The following DNAH6 variants were observed in gnomAD, a reference collection of about 807,000 sequenced individuals.
The protein encoded by DNAH6 is dynein axonemal heavy chain 6.
In DNAH6, 340 loss-of-function variants were observed where a neutral mutation model predicts 491.4. That is an observed-to-expected ratio of 0.69 (90% CI 0.63 to 0.76). DNAH6 has a LOEUF of 0.76. DNAH6 is among the 30% of genes least tolerant of loss of function. The pLI is 0.00. For synonymous variants in DNAH6, 1,603 were observed against 1,686.1 expected (o/e 0.95, Z 1.21); for missense variants, 4,443 against 4,972.2 (o/e 0.89, Z 3.20).
At chr2:84,484,252 C>A in the DNAH6 span, among the ~76,000 whole-genome samples, 1 of 152,166 alleles carries the variant, frequency 6.6e-6, no homozygotes, top group East Asian at 1.9e-4. Flanking sequence ...CCCTTAGGTC[C>A]CTAGATCCCT....
In DNAH6 at chr2:84,709,390, CG is replaced by C. The variant is rs1262301591; in HGVS notation, c.9097del (p.Asp3033IlefsTer28). 1 of 1,551,556 alleles carries C rather than the reference CG, an allele frequency of 6.4e-7. No individual in the cohort carries two copies. The highest frequency in any genetic ancestry group is 1.4e-5 in the African/African-American group (1 of 73,020). ...ACTGTCAGTCTCTGGAGATCCCAAT[CG>C]ATCCTTCCTTCAGTCTCATTAACAT... is the stretch of plus-strand genomic sequence containing the variant. The part of the protein sequence containing the change: ...QDCQSLEIPI[D>X]PSFSLINILG... On this transcript the variant is annotated frameshift_variant, in exon 55 of 77. Coordinates refer to ENST00000389394, the MANE Select transcript of DNAH6 (RefSeq NM_001370.2). LOFTEE classifies it high-confidence loss of function.
At chr2:84,516,765 A>G in intron 1 of DNAH6, among the ~76,000 whole-genome samples, 182 bp downstream of exon 1, 1 of 152,204 alleles carries the variant, frequency 6.6e-6, no homozygotes. Flanking sequence ...AGCGATATCA[A>G]AAGACTTGTC....
At chr2:84,585,083 T>C (rs1478237616) in intron 15 of DNAH6, among the ~76,000 whole-genome samples, 1 of 152,214 alleles carries the variant, frequency 6.6e-6, no homozygotes, top group Non-Finnish European at 1.5e-5. Context: ...GCTCACATTG[T>C]GTGCTGCCTA....
chr2:84,819,344 C>T lies in DNAH6; in HGVS notation c.12413C>T (p.Ser4138Phe). 4 of 1,551,428 alleles carry T rather than the reference C, an allele frequency of 2.6e-6. No homozygotes were observed. Among genetic ancestry groups the T allele is most frequent in the Non-Finnish European group, 3.5e-6 (4 of 1,146,880 alleles). ...TTTGTGGTAACCGTCCTGTTACCCTCCAAGCGGTCCAAAGACTACTGGATT... is the reference window on the plus strand; with the variant it reads ...TTTGTGGTAACCGTCCTGTTACCCTTCAAGCGGTCCAAAGACTACTGGATT... ...TNFVVTVLLP[S>F]KRSKDYWIAK... is the part of the protein sequence containing the mutation. The change falls in exon 77 of 77, where the codon TCC becomes TTC. Residue 4138 changes from serine (S) to phenylalanine (F), a missense_variant. This residue lies in a region of DNAH6 where 1,463 missense variants were observed against 1,656.6 expected (regional missense o/e 0.88). Transcript: ENST00000389394.
intron 31 of DNAH6, among the ~76,000 whole-genome samples, chr2:84,638,028 G>A (rs1245384443): frequency 1.3e-5 from 2 of 152,018 alleles, no homozygotes; most frequent in East Asian, 3.9e-4. Context: ...CCAGGAGTTA[G>A]AGACCAGCCT....
chr2:84,648,402 A>G (rs1690101663), intron 33 of DNAH6, among the ~76,000 whole-genome samples: 2 of 152,260 alleles, frequency 1.3e-5, no homozygotes, highest in African/African-American at 2.4e-5. Flanking sequence ...TCTGCCATTG[A>G]TAGTGATTTC....
Position 84,543,104 on chromosome 2 carries a change from A to G in DNAH6, c.663-1129A>G, listed in dbSNP as rs1678427214. ...AACCCGGGAGGCGGAGGTTGCAGTG[A>G]GCCAAGTTTGCACGGCTGCATTCCA... On this transcript the variant is annotated intron_variant, in intron 4 of 76. Coordinates refer to ENST00000389394, the MANE Select transcript of DNAH6 (RefSeq NM_001370.2). Among the ~76,000 whole-genome samples, 5 of 152,212 alleles carry G rather than the reference A, an allele frequency of 3.3e-5. No individual in the cohort carries two copies. In the South Asian group the frequency reaches 1.0e-3, roughly 32 times the overall value.
intron 3 of DNAH6, among the ~76,000 whole-genome samples, chr2:84,528,480 G>A (rs1264411645): frequency 6.6e-6 from 1 of 152,078 alleles, no homozygotes; most frequent in African/African-American, 2.4e-5. Context: ...AATAACAGCT[G>A]TCCAAGACTC....
intron 26 of DNAH6, among the ~76,000 whole-genome samples, chr2:84,622,606 T>G (rs1201183874): frequency 6.6e-6 from 1 of 152,152 alleles, no homozygotes; most frequent in African/African-American, 2.4e-5. Flanking sequence ...TTTCCACATT[T>G]TGGCTATTGT....
intron 59 of DNAH6, among the ~76,000 whole-genome samples, chr2:84,720,968 T>G (rs1330162593): frequency 6.6e-6 from 1 of 152,224 alleles, no homozygotes; most frequent in Non-Finnish European, 1.5e-5. Context: ...TGCCACTTCT[T>G]GGCTACAGTT....
At chr2:84,620,002 GT>G in intron 24 of DNAH6, 98 bp downstream of exon 24, 2 of 1,052,410 alleles carry the variant, frequency 1.9e-6, no homozygotes, top group Non-Finnish European at 2.7e-6. Context: ...TGGCTCAGCA[GT>G]TTCAAGGATA....
chr2:84,727,977 G>A, intron 61 of DNAH6, 75 bp downstream of exon 61: 1 of 951,404 alleles, frequency 1.1e-6, no homozygotes, highest in Non-Finnish European at 1.6e-6. Flanking sequence ...TTGAATTGTA[G>A]CTACCATAAT....
At chr2:84,459,670 G>A in the DNAH6 span, 4 of 190,968 alleles carry the variant, frequency 2.1e-5, no homozygotes, top group African/African-American at 7.1e-5. Flanking sequence ...GAAACAGCGA[G>A]GTGAGGTGCG....
chr2:84,722,551 C>A (rs572906331), intron 59 of DNAH6, 74 bp from the exon 60 acceptor site: 3 of 1,278,136 alleles, frequency 2.3e-6, no homozygotes, highest in Non-Finnish European at 3.2e-6. Flanking sequence ...CTAGACCTAA[C>A]TGGATACATT....
chr2:84,481,800 C>T, the DNAH6 span, among the ~76,000 whole-genome samples: 33 of 152,152 alleles, frequency 2.2e-4, no homozygotes, highest in South Asian at 2.1e-4. Context: ...GAGATTAGGC[C>T]GTAGAAGCCT....
At chr2:84,593,112 A>G (rs1356485389) in intron 16 of DNAH6, among the ~76,000 whole-genome samples, 2 of 152,206 alleles carry the variant, frequency 1.3e-5, no homozygotes, top group Non-Finnish European at 1.5e-5. Context: ...CACAATAAAA[A>G]GAAAAGTTAA....
intron 18 of DNAH6, among the ~76,000 whole-genome samples, chr2:84,603,622 A>T (rs1055642520): frequency 1.3e-5 from 2 of 152,180 alleles, no homozygotes; most frequent in Admixed American, 6.6e-5. Context: ...TTCCTATCAC[A>T]GGTGCTCCTC....
At chr2:84,611,392 C>G (rs1244107198) in intron 21 of DNAH6, among the ~76,000 whole-genome samples, 1 of 152,048 alleles carries the variant, frequency 6.6e-6, no homozygotes, top group South Asian at 2.1e-4. Flanking sequence ...CGTGCTGCCC[C>G]CTGAATCTCT....
the DNAH6 span, among the ~76,000 whole-genome samples, chr2:84,474,215 A>C: frequency 6.6e-6 from 1 of 152,184 alleles, no homozygotes; most frequent in African/African-American, 2.4e-5. Context: ...AACAGCCCTT[A>C]AATCTGTTAA....
Sources: gnomAD v4.1 joint callset for allele counts (sites outside exome capture counted in the v4.1 genomes callset) on GRCh38, gnomAD v4.1.1 for gene constraint, gnomAD v4.1.1 regional missense constraint, MANE v1.5 for transcripts, NCBI Gene and HGNC (gene_info 2026-07-23, HGNC 2026-07-21) for gene names.